The following EVI5 variants were observed in gnomAD, a reference collection of about 807,000 sequenced individuals.
EVI5 encodes the protein ecotropic viral integration site 5 protein homolog.
A neutral mutation model predicts 112.0 loss-of-function variants in EVI5; 73 were observed. The ratio of observed to expected loss-of-function variants is 0.65; its 90% confidence interval spans 0.54 to 0.79. EVI5 has a LOEUF of 0.79. Among genes scored for constraint, EVI5 ranks in the 30% least tolerant of loss-of-function variants. EVI5 has a pLI of 0.00. For synonymous variants in EVI5, 305 were observed against 319.9 expected, an observed-to-expected ratio of 0.95 and a Z score of 0.50; for missense variants, 900 against 968.8, an observed-to-expected ratio of 0.93 and a Z score of 0.94.
At chr1:92,733,817 C>A (rs539524317) in intron 2 of EVI5, among the ~76,000 whole-genome samples, 1 of 152,250 alleles carries the variant, frequency 6.6e-6, no homozygotes, top group Admixed American at 6.5e-5. Context: ...TTAGGTTATG[C>A]TGCAGTTAAC....
chr1:92,577,172 T>C (rs1342551718), intron 18 of EVI5, among the ~76,000 whole-genome samples: 2 of 152,162 alleles, frequency 1.3e-5, no homozygotes. Flanking sequence ...AGGGCCCCAA[T>C]ATAATTCCCT....
rs894832512 is a variant in EVI5, at chr1:92,702,601, T to C, written c.565-386A>G. On this transcript the variant is annotated intron_variant, in intron 4 of 19. Coordinates refer to ENST00000684568, the MANE Select transcript of EVI5 (RefSeq NM_001350197.2). ...CAGGCGGATCACCTGAGGCCAGGAG[T>C]TCGAGATCAGCCTGGCCAACATAGT... 8.6e-5 allele frequency among the ~76,000 whole-genome samples: 13 copies of C among 150,912 alleles called. No individual in the cohort carries two copies. In the South Asian group the frequency reaches 2.7e-3, roughly 32 times the overall value.
At chr1:92,704,336 A>T (rs1278972434) in intron 3 of EVI5, among the ~76,000 whole-genome samples, 1 of 152,134 alleles carries the variant, frequency 6.6e-6, no homozygotes, top group Non-Finnish European at 1.5e-5. Context: ...AAATAAAATA[A>T]TTTTCAGTTA....
Position 92,513,703 on chromosome 1 carries a change from T to C in EVI5, c.2434A>G (p.Lys812Glu). Residue 812 changes from lysine (K) to glutamate (E), a missense_variant, in exon 20 of 20, where the codon AAG becomes GAG. Lys to Glu is a moderately conservative substitution (Grantham distance 56). Coordinates refer to ENST00000684568, the MANE Select transcript of EVI5 (RefSeq NM_001350197.2). The stretch of plus-strand genomic sequence containing the variant: ...TCTCTTCTTCTCGGGGGCCGCTCCT[T>C]TTGAACCACTTGGTTGCTCTCTCTG... ...ETRESNQVVQ[K>E]ERPPRRRESY... 2 of 1,613,170 alleles carry C rather than the reference T, an allele frequency of 1.2e-6. No homozygotes were observed. The highest frequency in any genetic ancestry group is 2.2e-5 in the South Asian group (2 of 90,972).
chr1:92,743,366 A>C (rs1367813863), intron 1 of EVI5, among the ~76,000 whole-genome samples: 1 of 152,146 alleles, frequency 6.6e-6, no homozygotes, highest in Non-Finnish European at 1.5e-5. Context: ...AAAAAAGGGA[A>C]GGAAATTCTG....
chr1:92,773,470 A>G (rs1683712463), intron 1 of EVI5, among the ~76,000 whole-genome samples: 1 of 152,172 alleles, frequency 6.6e-6, no homozygotes, highest in Non-Finnish European at 1.5e-5. Flanking sequence ...CAGACTGGGC[A>G]ACAGAGCAAG....
At chr1:92,694,789 TAAC>T (rs1285310384) in intron 7 of EVI5, among the ~76,000 whole-genome samples, 1 of 152,222 alleles carries the variant, frequency 6.6e-6, no homozygotes, top group Non-Finnish European at 1.5e-5. Flanking sequence ...ATGTAATTAA[TAAC>T]AACATTGAGT....
upstream of EVI5, chr1:92,785,194 G>A: frequency 1.3e-6 from 1 of 798,200 alleles, no homozygotes; most frequent in Non-Finnish European, 1.5e-6. Flanking sequence ...CGGGCGGGCC[G>A]GCCGAGAAAA....
At chr1:92,514,256 C>T (rs760515574) in intron 19 of EVI5, among the ~76,000 whole-genome samples, 1 of 152,106 alleles carries the variant, frequency 6.6e-6, no homozygotes, top group Non-Finnish European at 1.5e-5. Context: ...CAGGCTTAAG[C>T]GATTCTCCCA....
intron 10 of EVI5, among the ~76,000 whole-genome samples, chr1:92,672,394 A>C (rs1315412800): frequency 6.6e-6 from 1 of 152,044 alleles, no homozygotes; most frequent in African/African-American, 2.4e-5. Context: ...ACTGCTCCTC[A>C]CCAGGCACAC....
chr1:92,558,974 G>T (rs1026314761), intron 19 of EVI5, among the ~76,000 whole-genome samples: 1 of 152,134 alleles, frequency 6.6e-6, no homozygotes, highest in Non-Finnish European at 1.5e-5. Flanking sequence ...CTATACAGTT[G>T]TCCCTCAGTA....
chr1:92,634,413 C>T lies in EVI5; in HGVS notation c.1527+1789G>A, dbSNP rs1016371171. ...TTTTTTCTCCAAACTTCTCTTCTCG[C>T]TTCATTTCATTCATTTGATATTCCA... On this transcript the variant is annotated intron_variant, in intron 14 of 19. Coordinates refer to ENST00000684568, the MANE Select transcript of EVI5 (RefSeq NM_001350197.2). Among the ~76,000 whole-genome samples, 19 of 152,162 alleles carry T rather than the reference C, an allele frequency of 1.2e-4. 1 individual carries two copies. The highest frequency in any genetic ancestry group is 8.5e-4 in the Admixed American group (13 of 15,274).
At chr1:92,664,043 C>T (rs1273424570) in intron 11 of EVI5, among the ~76,000 whole-genome samples, 1 of 152,218 alleles carries the variant, frequency 6.6e-6, no homozygotes, top group African/African-American at 2.4e-5. Context: ...CCACTGCACT[C>T]AGTCAAATAT....
rs28792417 is a variant in EVI5 at position 92,658,144 on chromosome 1, G to A, written c.1392+4575C>T. Among the ~76,000 whole-genome samples, 5 of 152,280 alleles carry A rather than the reference G, an allele frequency of 3.3e-5. No homozygotes were observed. In the East Asian group the frequency reaches 9.6e-4, roughly 29 times the overall value. ...CACAGCCAACATCATAATGAATGGG[G>A]AAAAGTTGAAAGCACTCCTCTAAGA... On this transcript the variant is annotated intron_variant, in intron 13 of 19. Coordinates refer to ENST00000684568, the MANE Select transcript of EVI5 (RefSeq NM_001350197.2).
chr1:92,632,448 G>C (rs1657383890), intron 14 of EVI5, among the ~76,000 whole-genome samples: 1 of 152,234 alleles, frequency 6.6e-6, no homozygotes, highest in African/African-American at 2.4e-5. Context: ...ATTACTTCCA[G>C]ATTTTCTAAT....
chr1:92,636,396 A>G, intron 13 of EVI5, 60 bp from the exon 14 acceptor site: 1 of 1,411,738 alleles, frequency 7.1e-7, no homozygotes, highest in Non-Finnish European at 9.9e-7. Context: ...TATACAATAA[A>G]AACAATGCAA....
intron 19 of EVI5, among the ~76,000 whole-genome samples, chr1:92,532,999 C>CTT (rs151026642): frequency 0.57 from 79,840 of 140,114 alleles, 24,051 homozygotes; most frequent in East Asian, 0.91. Context: ...AATCTAGGAA[C>CTT]TTTTTTTTTT....
intron 1 of EVI5, among the ~76,000 whole-genome samples, chr1:92,783,498 A>AAAAAG (rs1553277063): frequency 3.2e-4 from 41 of 128,968 alleles, no homozygotes; most frequent in African/African-American, 5.5e-4. Flanking sequence ...AAAAAAAAAA[A>AAAAAG]AAAAAAAAAG....
At chr1:92,638,926 T>C (rs1659408600) in intron 13 of EVI5, among the ~76,000 whole-genome samples, 2 of 152,108 alleles carry the variant, frequency 1.3e-5, no homozygotes, top group Admixed American at 1.3e-4. Flanking sequence ...AGCATATAGA[T>C]CTCACATAAT....
Sources: allele counts gnomAD v4.1 joint callset (sites outside exome capture counted in the v4.1 genomes callset), GRCh38; gene constraint gnomAD v4.1.1; transcripts MANE v1.5; gene names NCBI Gene and HGNC (gene_info 2026-07-23, HGNC 2026-07-21).